The following EPHA3 variants were observed in gnomAD, a reference collection of about 807,000 sequenced individuals.
EPHA3 encodes EPH receptor A3, also known as ephrin type-A receptor 3.
EPHA3 carries 42 observed loss-of-function variants against 107.1 expected under a neutral mutation model. The ratio of observed to expected loss-of-function variants is 0.39; its 90% CI spans 0.31 to 0.51. EPHA3 has a LOEUF of 0.51. Among genes scored for constraint, EPHA3 ranks in the 20% least tolerant of loss-of-function variants. The pLI is 0.78. For missense variants in EPHA3, 1,183 were observed against 1,211.2 expected (o/e 0.98, Z 0.35); for synonymous variants, 461 against 424.8 (o/e 1.09, Z -1.05).
At chr3:89,435,070 TAAG>T (rs1474101478) in intron 13 of EPHA3, among the ~76,000 whole-genome samples, 4 of 150,464 alleles carry the variant, frequency 2.7e-5, no homozygotes, top group Admixed American at 1.3e-4. Flanking sequence ...TATGAAGTAA[TAAG>T]AAGACTTCAA....
At chr3:89,470,512 C>T (rs1710377793) in intron 15 of EPHA3, among the ~76,000 whole-genome samples, 1 of 152,164 alleles carries the variant, frequency 6.6e-6, no homozygotes, top group Non-Finnish European at 1.5e-5. Flanking sequence ...GATATCCTCA[C>T]CATCATCCCC....
chr3:89,446,358 C>A (rs1023002253), intron 13 of EPHA3, among the ~76,000 whole-genome samples: 1 of 152,142 alleles, frequency 6.6e-6, no homozygotes, highest in Non-Finnish European at 1.5e-5. Context: ...AGAGGATTCT[C>A]CTTCCAAGCT....
chr3:89,129,505 G>A (rs1357619600), intron 2 of EPHA3, among the ~76,000 whole-genome samples: 2 of 151,322 alleles, frequency 1.3e-5, no homozygotes, highest in East Asian at 3.9e-4. Flanking sequence ...GTTCTGTGGT[G>A]ATATATAGTG....
chr3:89,340,612 T>C (rs1707497162), intron 3 of EPHA3, among the ~76,000 whole-genome samples: 1 of 152,194 alleles, frequency 6.6e-6, no homozygotes, highest in Admixed American at 6.5e-5. Context: ...TTTGCTTTAT[T>C]TTCTCCACAA....
chr3:89,137,146 G>T (rs1400603094), intron 2 of EPHA3, among the ~76,000 whole-genome samples: 4 of 151,874 alleles, frequency 2.6e-5, no homozygotes, highest in African/African-American at 4.8e-5. Context: ...ATAGGTTTGT[G>T]CATTATTAAG....
rs143319018 is a variant in EPHA3, at chr3:89,439,253, G to A, written c.2346+7894G>A. 9.2e-3 allele frequency among the ~76,000 whole-genome samples: 1,402 copies of A among 152,236 alleles called. 23 individuals carry two copies. The highest frequency in any genetic ancestry group is 0.032 in the African/African-American group (1,342 of 41,544). On this transcript the variant is annotated intron_variant, in intron 13 of 16. Transcript: ENST00000336596. ...CCCACCTTGCAGGAAGACAATGTAA[G>A]TCATTAGATTAATTATTTAGCTCAG...
At chr3:89,339,955 A>G (rs1707480582) in intron 3 of EPHA3, among the ~76,000 whole-genome samples, 1 of 152,222 alleles carries the variant, frequency 6.6e-6, no homozygotes, top group South Asian at 2.1e-4. Flanking sequence ...CAAATGAATT[A>G]CTAGAGACTT....
At chr3:89,283,964 G>C (rs1706010362) in intron 3 of EPHA3, among the ~76,000 whole-genome samples, 1 of 151,912 alleles carries the variant, frequency 6.6e-6, no homozygotes, top group Non-Finnish European at 1.5e-5. Context: ...TACTAAACAT[G>C]AATACAGAGA....
chr3:89,344,521 A>G (rs981438548), intron 5 of EPHA3, among the ~76,000 whole-genome samples: 1 of 152,156 alleles, frequency 6.6e-6, no homozygotes, highest in Admixed American at 6.6e-5. Flanking sequence ...TCAAATCTCC[A>G]GGGTAAGATA....
intron 5 of EPHA3, among the ~76,000 whole-genome samples, chr3:89,369,511 T>C (rs1708250645): frequency 6.6e-6 from 1 of 150,438 alleles, no homozygotes; most frequent in Admixed American, 6.6e-5. Context: ...TAATTCAAGA[T>C]GGATTAAAGA....
In EPHA3 at chr3:89,469,403, G is replaced by A. The variant is rs1205255620; in HGVS notation, c.2691-3061G>A. ...AAATGTGACCATTTTTATCAAATAC[G>A]TTTCATGCATCGCTGTAAAAATCCA... On this transcript the variant is annotated intron_variant, in intron 15 of 16. Coordinates refer to ENST00000336596, the MANE Select transcript of EPHA3 (RefSeq NM_005233.6). Among the ~76,000 whole-genome samples, 10 of 152,196 alleles carry A rather than the reference G, an allele frequency of 6.6e-5. No individual in the cohort carries two copies. In the East Asian group the frequency reaches 9.7e-4, roughly 15 times the overall value.
chr3:89,255,614 G>A (rs1386198370), intron 3 of EPHA3, among the ~76,000 whole-genome samples: 2 of 151,848 alleles, frequency 1.3e-5, no homozygotes, highest in African/African-American at 4.8e-5. Flanking sequence ...AAAATTCCAT[G>A]GTCTGACTGG....
chr3:89,409,700 C>T (rs554855520), intron 9 of EPHA3, among the ~76,000 whole-genome samples: 2 of 152,138 alleles, frequency 1.3e-5, no homozygotes, highest in African/African-American at 4.8e-5. Flanking sequence ...CTTAATACTA[C>T]AGCTGGTTTA....
chr3:89,170,218 T>C lies in EPHA3; in HGVS notation c.154-39642T>C, dbSNP rs563685054. Among the ~76,000 whole-genome samples, 5 of 148,384 alleles carry C rather than the reference T, an allele frequency of 3.4e-5. No homozygotes were observed. The East Asian group carries it at 8.0e-4, about 24-fold the overall frequency. On this transcript the variant is annotated intron_variant, in intron 2 of 16. Transcript: ENST00000336596. Reference sequence around the variant, plus strand: ...TTACAGTGAGCAGAGATCGCGCCACTGCACTTCAGCCTGGGCGACAGAGAG... The same window carrying C: ...TTACAGTGAGCAGAGATCGCGCCACCGCACTTCAGCCTGGGCGACAGAGAG...
chr3:89,458,709 C>T (rs1710151429), intron 15 of EPHA3, among the ~76,000 whole-genome samples: 1 of 152,104 alleles, frequency 6.6e-6, no homozygotes, highest in Admixed American at 6.6e-5. Context: ...TAATGATCGC[C>T]ATTCTAACTG....
intron 5 of EPHA3, among the ~76,000 whole-genome samples, chr3:89,389,824 A>G (rs1429099777): frequency 1.3e-5 from 2 of 152,332 alleles, no homozygotes; most frequent in African/African-American, 2.4e-5. Flanking sequence ...CTTTCTAGCC[A>G]ACATTTTTGC....
chr3:89,433,518 C>T (rs747390741), intron 13 of EPHA3, among the ~76,000 whole-genome samples: 3 of 152,138 alleles, frequency 2.0e-5, no homozygotes, highest in Non-Finnish European at 4.4e-5. Flanking sequence ...AGGACTCTCC[C>T]AATGGCTTTT....
At chr3:89,401,646 T>G (rs1465090961) in intron 7 of EPHA3, among the ~76,000 whole-genome samples, 1 of 152,216 alleles carries the variant, frequency 6.6e-6, no homozygotes, top group Non-Finnish European at 1.5e-5. Flanking sequence ...CCTGCTCTGT[T>G]GCCCAGGATG....
At chr3:89,298,230 G>C (rs1706406740) in intron 3 of EPHA3, among the ~76,000 whole-genome samples, 1 of 152,074 alleles carries the variant, frequency 6.6e-6, no homozygotes, top group Admixed American at 6.6e-5. Context: ...TTGGCACTCT[G>C]CTAAAAACTG....
Sources: gnomAD v4.1 joint callset for allele counts (sites outside exome capture counted in the v4.1 genomes callset) on GRCh38, gnomAD v4.1.1 for gene constraint, MANE v1.5 for transcripts, NCBI Gene and HGNC (gene_info 2026-07-23, HGNC 2026-07-21) for gene names.